The following TNPO1 variants were observed in gnomAD, a reference collection of about 807,000 sequenced individuals.
TNPO1 encodes the protein transportin 1.
Under a neutral mutation model 119.5 loss-of-function variants are expected in TNPO1, and 8 were observed. The ratio of observed to expected loss-of-function variants is 0.07; its 90% CI spans 0.04 to 0.12. The LOEUF is 0.12. TNPO1 is among the 10% of genes least tolerant of loss of function. The pLI is 1.00. For synonymous variants in TNPO1, 362 were observed against 363.0 expected, an observed-to-expected ratio of 1.00 and a Z score of 0.03; for missense variants, 576 against 1,089.8, an observed-to-expected ratio of 0.53 and a Z score of 6.64.
intron 6 of TNPO1, among the ~76,000 whole-genome samples, chr5:72,868,408 G>T (rs1458298611): frequency 9.3e-6 from 1 of 107,826 alleles, no homozygotes; most frequent in Non-Finnish European, 1.7e-5. Context: ...CTCCAGCCTG[G>T]ATGACAGAGC....
intron 4 of TNPO1, among the ~76,000 whole-genome samples, chr5:72,856,955 G>C (rs897803067): frequency 1.3e-5 from 2 of 152,136 alleles, no homozygotes; most frequent in African/African-American, 4.8e-5. Flanking sequence ...CTTCTACAAG[G>C]ACCTGGAAAG....
At chr5:72,826,204 C>T (rs1255476453) in intron 1 of TNPO1, among the ~76,000 whole-genome samples, 4 of 152,090 alleles carry the variant, frequency 2.6e-5, no homozygotes, top group African/African-American at 7.2e-5. Flanking sequence ...CCTTCCCCAC[C>T]CACTCTTATC....
chr5:72,848,542 G>C, intron 2 of TNPO1, 44 bp downstream of exon 2: 1 of 1,369,154 alleles, frequency 7.3e-7, no homozygotes, highest in Non-Finnish European at 9.8e-7. Flanking sequence ...AGCTCGCCCC[G>C]CGCTGCGGCC....
chr5:72,910,940 A>G lies in TNPO1; in HGVS notation c.*2267A>G, dbSNP rs1320255880. The G allele has an allele frequency of 6.6e-6, 1 of 152,066 alleles. No individual in the cohort carries two copies. The highest frequency in any genetic ancestry group is 2.4e-5 in the African/African-American group (1 of 41,440). The allele number at this position is 152,066 out of a possible 1,614,324, so 9.4% of individuals were successfully genotyped here. On this transcript the variant is annotated 3_prime_UTR_variant, in exon 25 of 25. Coordinates refer to ENST00000337273, the MANE Select transcript of TNPO1 (RefSeq NM_002270.4). The stretch of plus-strand genomic sequence containing the variant: ...TTTTTAATATTATAAGTTGGATTCA[A>G]AGGGTATACAGCATTTTGTTTTCTA...
At chr5:72,896,616 TC>T (rs1749446405) in intron 19 of TNPO1, 60 bp downstream of exon 19, 18 of 1,365,788 alleles carry the variant, frequency 1.3e-5, no homozygotes, top group Non-Finnish European at 1.6e-5. Context: ...ACGCCTGTAA[TC>T]CCAGCACTTC....
intron 22 of TNPO1, among the ~76,000 whole-genome samples, chr5:72,901,403 TG>T (rs1749788071): frequency 6.6e-6 from 1 of 152,308 alleles, no homozygotes; most frequent in Admixed American, 6.5e-5. Context: ...TATCAGTTTG[TG>T]GATATCTACA....
rs901659585 is a variant in TNPO1, at chr5:72,840,122, G to A, written c.16-8263G>A. 9.9e-5 allele frequency among the ~76,000 whole-genome samples: 15 copies of A among 152,032 alleles called. 1 individual carries two copies. The highest frequency in any genetic ancestry group is 2.2e-4 in the African/African-American group (9 of 41,398). ...ATAGAAAGGGAAAGAGTTGTATAAC[G>A]CAGACCGCTCATAGTCTGCCCACTG... On this transcript the variant is annotated intron_variant, in intron 1 of 24. Transcript: ENST00000337273.
chr5:72,901,909 T>C (rs1403293647), intron 22 of TNPO1, among the ~76,000 whole-genome samples: 3 of 152,054 alleles, frequency 2.0e-5, no homozygotes, highest in African/African-American at 4.8e-5. Flanking sequence ...AAACCCCATC[T>C]CTACTTCAGA....
intron 6 of TNPO1, among the ~76,000 whole-genome samples, chr5:72,868,860 T>G (rs967287023): frequency 1.3e-5 from 2 of 152,000 alleles, no homozygotes; most frequent in Admixed American, 1.3e-4. Context: ...TACAAAAAAT[T>G]AGCTGGACGT....
rs773288584 is a variant in TNPO1, at chr5:72,888,105, T to G, written c.1331T>G (p.Leu444Trp). 1.9e-6 allele frequency: 3 copies of G among 1,614,102 alleles called. No individual in the cohort carries two copies. The highest frequency in any genetic ancestry group is 2.5e-6 in the Non-Finnish European group (3 of 1,180,032). ...TGCATGCAGGGCATGATTCCATACT[T>G]GCCTGAGCTTATTCCTCACCTTATT... ...EGCMQGMIPY[L>W]PELIPHLIQC... Residue 444 changes from leucine to tryptophan, a missense_variant, in exon 13 of 25, where the codon TTG becomes TGG. Coordinates refer to ENST00000337273, the MANE Select transcript of TNPO1 (RefSeq NM_002270.4).
intron 14 of TNPO1, among the ~76,000 whole-genome samples, chr5:72,891,509 T>G (rs895166288): frequency 2.0e-5 from 3 of 152,086 alleles, no homozygotes; most frequent in Non-Finnish European, 2.9e-5. Flanking sequence ...GTGACTTTTT[T>G]AAGTAATAGA....
At chr5:72,857,380 A>G (rs1226820768) in intron 4 of TNPO1, among the ~76,000 whole-genome samples, 2 of 152,108 alleles carry the variant, frequency 1.3e-5, no homozygotes, top group Non-Finnish European at 2.9e-5. Flanking sequence ...TCTTACTTAC[A>G]AAGCATTGGC....
At chr5:72,865,843 TC>T (rs1746847567) in intron 6 of TNPO1, 114 bp downstream of exon 6, 4 of 1,121,516 alleles carry the variant, frequency 3.6e-6, no homozygotes, top group Non-Finnish European at 5.0e-6. Flanking sequence ...TATTGGATGT[TC>T]CAGAGAGGTG....
At chr5:72,825,416 G>A (rs750499054) in intron 1 of TNPO1, among the ~76,000 whole-genome samples, 8 of 152,140 alleles carry the variant, frequency 5.3e-5, no homozygotes, top group Non-Finnish European at 8.8e-5. Context: ...GGCCAGGTGC[G>A]GTGGCTTATG....
chr5:72,889,627 ATAATT>A (rs1748908314), intron 13 of TNPO1, among the ~76,000 whole-genome samples, 154 bp from the exon 14 acceptor site: 1 of 152,198 alleles, frequency 6.6e-6, no homozygotes, highest in Admixed American at 6.5e-5. Flanking sequence ...AAATCGGTAA[ATAATT>A]CACAGTGCTG....
At chr5:72,827,046 A>G (rs1371046878) in intron 1 of TNPO1, among the ~76,000 whole-genome samples, 2 of 152,198 alleles carry the variant, frequency 1.3e-5, no homozygotes, top group Non-Finnish European at 2.9e-5. Context: ...GAGAAAAGGA[A>G]GAGGACATTG....
At position 72,887,229 on chromosome 5, in the gene TNPO1, C is replaced by A. The variant is rs1444130186; in HGVS notation, c.1303+7C>A. 1 of 1,183,084 alleles carries A rather than the reference C, an allele frequency of 8.5e-7. No individual in the cohort carries two copies. The highest frequency in any genetic ancestry group is 1.2e-5 in the South Asian group (1 of 81,252). The allele number at this position is 1,183,084 out of a possible 1,614,324, so 73.3% of individuals were successfully genotyped here. On this transcript the variant is annotated splice_region_variant and intron_variant, in intron 12 of 24. Coordinates refer to ENST00000337273, the MANE Select transcript of TNPO1 (RefSeq NM_002270.4). ...TTAGGAGCAATTGCTGAAGGTAAGC[C>A]TAAGTCCAGTTTGAATTATGTAAGT...
chr5:72,909,421 T>A lies in TNPO1; in HGVS notation c.*748T>A, dbSNP rs1750408454. The A allele has an allele frequency of 6.6e-6, 1 of 152,190 alleles. No individual in the cohort carries two copies. 9.4% of individuals were successfully genotyped at this position (152,190 alleles called of 1,614,324 possible). A position where few individuals can be genotyped will look rare whatever the true frequency, so the allele number is the denominator to read the frequency against. ...ATAAATGGGGTTGGGCATATCAAAC[T>A]AAAGATGACATCTTAATTTTGCATT... On this transcript the variant is annotated 3_prime_UTR_variant, in exon 25 of 25. Transcript: ENST00000337273.
rs572630568 is a variant in TNPO1 at position 72,912,045 on chromosome 5, A to G, written c.*3372A>G. The G allele has an allele frequency of 3.3e-5, 5 of 152,568 alleles. No individual in the cohort carries two copies. Among genetic ancestry groups the G allele is most frequent in the South Asian group, 4.1e-4 (2 of 4,828 alleles). 9.5% of individuals were successfully genotyped at this position (152,568 alleles called of 1,614,324 possible). A position where few individuals can be genotyped will look rare whatever the true frequency, so the allele number is the denominator to read the frequency against. On this transcript the variant is annotated 3_prime_UTR_variant, in exon 25 of 25. Coordinates refer to ENST00000337273, the MANE Select transcript of TNPO1 (RefSeq NM_002270.4). ...AAGAATTTTGCTTTTTGTATTGTCTAATCTCTTCAATGACTTCATACTGTG... is the reference window on the plus strand; with the variant it reads ...AAGAATTTTGCTTTTTGTATTGTCTGATCTCTTCAATGACTTCATACTGTG...
Sources: allele counts gnomAD v4.1 joint callset (sites outside exome capture counted in the v4.1 genomes callset), GRCh38; gene constraint gnomAD v4.1.1; transcripts MANE v1.5; gene names NCBI Gene and HGNC (gene_info 2026-07-23, HGNC 2026-07-21).